The following COQ5 variants were observed in gnomAD, a reference collection of about 807,000 sequenced individuals.
COQ5 encodes coenzyme Q5, methyltransferase, also known as 2-methoxy-6-polyprenyl-1,4-benzoquinol methylase, mitochondrial.
COQ5 carries 27 observed loss-of-function variants against 40.5 expected under a neutral mutation model. The observed-to-expected ratio is 0.67, with a 90% CI of 0.49 to 0.92. COQ5 has a LOEUF of 0.92. COQ5 is among the 40% of genes least tolerant of loss of function. The pLI, the probability that COQ5 is intolerant of heterozygous loss-of-function variation, is 0.00. For missense variants in COQ5, 409 were observed against 406.4 expected (o/e 1.01, Z -0.06); for synonymous variants, 141 against 150.0 (o/e 0.94, Z 0.44).
At chr12:120,506,034 T>C (rs1471536290) in intron 4 of COQ5, among the ~76,000 whole-genome samples, 1 of 152,046 alleles carries the variant, frequency 6.6e-6, no homozygotes, top group African/African-American at 2.4e-5. Flanking sequence ...TTTGTGTTTT[T>C]AGTAGAAAAA....
At chr12:120,516,836 A>G in intron 2 of COQ5, 48 bp from the exon 3 acceptor site, 9 of 1,530,338 alleles carry the variant, frequency 5.9e-6, no homozygotes, top group Non-Finnish European at 8.2e-6. Flanking sequence ...ACAAAAATAA[A>G]AAAGGAAGAA....
intron 1 of COQ5, among the ~76,000 whole-genome samples, chr12:120,525,508 C>T (rs965001369): frequency 1.3e-4 from 20 of 152,094 alleles, no homozygotes; most frequent in African/African-American, 4.1e-4. Context: ...GCCAGCTACT[C>T]GGGGGGCTAA....
intron 4 of COQ5, among the ~76,000 whole-genome samples, chr12:120,508,290 G>A (rs1057327187): frequency 6.6e-6 from 1 of 151,968 alleles, no homozygotes; most frequent in Non-Finnish European, 1.5e-5. Context: ...CCTCCAAAGA[G>A]TTCAAGACCA....
At chr12:120,523,972 T>C in intron 1 of COQ5, 1 of 395,094 alleles carries the variant, frequency 2.5e-6, no homozygotes, top group Non-Finnish European at 5.1e-6. Flanking sequence ...ATTGGACCAC[T>C]GCATTCCAGC....
intron 4 of COQ5, among the ~76,000 whole-genome samples, chr12:120,507,812 A>T (rs1868948122): frequency 1.4e-5 from 2 of 148,002 alleles, no homozygotes; most frequent in South Asian, 4.3e-4. Context: ...ACTTGAACCC[A>T]GGAGGCGGAG....
intron 4 of COQ5, among the ~76,000 whole-genome samples, chr12:120,509,677 T>C (rs1250412515): frequency 1.3e-5 from 2 of 152,094 alleles, no homozygotes; most frequent in African/African-American, 4.8e-5. Context: ...TTTGTCAACT[T>C]AAAGGATGGA....
intron 1 of COQ5, among the ~76,000 whole-genome samples, chr12:120,523,658 T>G (rs1350697400): frequency 6.6e-6 from 1 of 152,116 alleles, no homozygotes; most frequent in South Asian, 2.1e-4. Flanking sequence ...TCTTAAAGGA[T>G]AGGGTGGGGG....
chr12:120,528,520 G>GGCT, intron 1 of COQ5, among the ~76,000 whole-genome samples: 1 of 152,190 alleles, frequency 6.6e-6, no homozygotes, highest in East Asian at 1.9e-4. Flanking sequence ...TTTTAAAAAG[G>GGCT]GGGCGTCTGG....
intron 4 of COQ5, chr12:120,509,775 C>G: frequency 2.7e-6 from 1 of 366,262 alleles, no homozygotes; most frequent in Admixed American, 4.3e-5. Context: ...ATCTATCTAT[C>G]TCTCTCTCTC....
At chr12:120,515,532 T>G (rs184051360) in intron 3 of COQ5, among the ~76,000 whole-genome samples, 46 of 152,344 alleles carry the variant, frequency 3.0e-4, no homozygotes, top group Admixed American at 2.5e-3. Context: ...CACGAGTGTT[T>G]CTTTGAGTGT....
At position 120,504,066 on chromosome 12, in the gene COQ5, A is replaced by G; in HGVS notation, c.786T>C (p.Tyr262=). 6.2e-7 allele frequency: 1 copy of G among 1,603,338 alleles called. No individual in the cohort carries two copies. Among genetic ancestry groups the G allele is most frequent in the South Asian group, 1.1e-5 (1 of 90,854 alleles). Residue 262 remains tyrosine (Y), a synonymous_variant, in exon 6 of 7, where the codon TAT becomes TAC. Transcript: ENST00000288532. ...NPLISRLYDL[Y]SFQVIPVLGE... The stretch of plus-strand genomic sequence containing the variant: ...CCAGGACAGGGATGACCTGGAAGCT[A>G]TATAGATCATAAAGCCTAGGCAAAC...
At chr12:120,523,459 C>A in intron 1 of COQ5, 1 of 342,300 alleles carries the variant, frequency 2.9e-6, no homozygotes, top group South Asian at 2.8e-5. Flanking sequence ...CACTGGTCCT[C>A]TCCACAGCCT....
intron 1 of COQ5, among the ~76,000 whole-genome samples, chr12:120,527,742 GGAGGCC>G (rs1464275794): frequency 6.6e-6 from 1 of 152,016 alleles, no homozygotes; most frequent in East Asian, 1.9e-4. Flanking sequence ...CAGCACTTTG[GGAGGCC>G]GAGGCAGGTG....
At chr12:120,522,569 C>A in intron 1 of COQ5, 1 of 645,304 alleles carries the variant, frequency 1.5e-6, no homozygotes, top group African/African-American at 1.8e-5. Context: ...TTTATTTGTA[C>A]AAATAGCACA....
chr12:120,507,727 A>G (rs1868943336), intron 4 of COQ5, among the ~76,000 whole-genome samples: 1 of 149,306 alleles, frequency 6.7e-6, no homozygotes, highest in Non-Finnish European at 1.5e-5. Context: ...GTCTCTACTA[A>G]AAATACAAAA....
At chr12:120,525,349 A>G (rs1869887552) in intron 1 of COQ5, among the ~76,000 whole-genome samples, 1 of 151,914 alleles carries the variant, frequency 6.6e-6, no homozygotes, top group South Asian at 2.1e-4. Flanking sequence ...TGCCCACCTC[A>G]GCCTCCCAAA....
intron 1 of COQ5, 36 bp from the exon 2 acceptor site, chr12:120,522,399 A>G (rs1330931666): frequency 3.1e-6 from 5 of 1,605,546 alleles, no homozygotes; most frequent in Non-Finnish European, 3.4e-6. Context: ...AGTGCTATTA[A>G]CAGAATTCCC....
At chr12:120,528,809 A>G in intron 1 of COQ5, 131 bp downstream of exon 1, 1 of 936,396 alleles carries the variant, frequency 1.1e-6, no homozygotes, top group Non-Finnish European at 1.7e-6. Flanking sequence ...TGTCTCCAAA[A>G]AAAAAAAAAA....
In COQ5 at chr12:120,529,035, T is replaced by C; in HGVS notation, c.107A>G (p.Asp36Gly). ...GGACAAGAGCCGAGCACTTAGTAGG[T>C]CCCCGGGCCAAGAGCTACGAAGCCC... ...LLGLRSSWPG[D>G]LLSARLLSQE... is the part of the protein sequence containing the mutation. The change falls in exon 1 of 7, where the codon GAC becomes GGC. Residue 36 changes from aspartate (D) to glycine (G), a missense_variant. Asp to Gly is a moderately conservative substitution (Grantham distance 94, BLOSUM62 -1). Coordinates refer to ENST00000288532, the MANE Select transcript of COQ5 (RefSeq NM_032314.4). The C allele has an allele frequency of 6.2e-7, 1 of 1,613,864 alleles. No homozygotes were observed. The highest frequency in any genetic ancestry group is 8.5e-7 in the Non-Finnish European group (1 of 1,179,992).
Sources: allele counts gnomAD v4.1 joint callset (sites outside exome capture counted in the v4.1 genomes callset), GRCh38; gene constraint gnomAD v4.1.1; transcripts MANE v1.5; gene names NCBI Gene and HGNC (gene_info 2026-07-23, HGNC 2026-07-21).